MIB1: variants seen among roughly 807,000 people sequenced by gnomAD.
MIB1 encodes the protein MIB E3 ubiquitin protein ligase 1.
MIB1 carries 278 observed loss-of-function variants against 124.5 expected under a neutral mutation model. The observed-to-expected ratio is 2.23, with a 90% CI of 2.02 to 2.47. The LOEUF is 2.47. Among genes scored for constraint, MIB1 ranks in the 30% most tolerant of loss-of-function variants. MIB1 has a pLI of 0.00. For synonymous variants in MIB1, 446 were observed against 429.4 expected, an observed-to-expected ratio of 1.04 and a Z score of -0.48; for missense variants, 957 against 1,254.4, an observed-to-expected ratio of 0.76 and a Z score of 3.58.
chr18:21,796,404 A>G (rs1306494541), intron 7 of MIB1, among the ~76,000 whole-genome samples: 3 of 152,002 alleles, frequency 2.0e-5, no homozygotes, highest in Non-Finnish European at 1.5e-5. Context: ...GGTGGGGGGC[A>G]AGGGGAGGGA....
chr18:21,832,075 G>T (rs2041989495), intron 12 of MIB1, among the ~76,000 whole-genome samples: 1 of 152,114 alleles, frequency 6.6e-6, no homozygotes, highest in African/African-American at 2.4e-5. Context: ...GTGGTGGAGA[G>T]ACATCATCAA....
upstream of MIB1, among the ~76,000 whole-genome samples, chr18:21,736,532 AG>A (rs1200074834): frequency 6.6e-6 from 1 of 152,224 alleles, no homozygotes; most frequent in African/African-American, 2.4e-5. Context: ...AATTGACAGA[AG>A]TAGGCTTCAG....
chr18:21,765,752 A>G lies in MIB1; in HGVS notation c.230-20A>G. 6.2e-7 allele frequency: 1 copy of G among 1,606,350 alleles called. No individual in the cohort carries two copies. The highest frequency in any genetic ancestry group is 8.5e-7 in the Non-Finnish European group (1 of 1,174,624). On this transcript the variant is annotated intron_variant, in intron 1 of 20. Coordinates refer to ENST00000261537, the MANE Select transcript of MIB1 (RefSeq NM_020774.4). ...AATAAAATTTGTGATTAATCTGAGC[A>G]TGTGTCCTTGTTTTAATAGGCATCA...
rs1350495003 is a variant in MIB1 at position 21,844,112 on chromosome 18, CA to C, written c.2072del (p.Lys691SerfsTer17). The C allele has an allele frequency of 6.2e-7, 1 of 1,613,924 alleles. No homozygotes were observed. The highest frequency in any genetic ancestry group is 8.5e-7 in the Non-Finnish European group (1 of 1,180,000). On this transcript the variant is annotated frameshift_variant, in exon 15 of 21. Transcript: ENST00000261537. LOFTEE classifies it high-confidence loss of function. ...TTTAGCTTTTGGTCCGTGCAGGTGC[CA>C]AGCTTGATATTCAGGATAAGGATGG... is the stretch of plus-strand genomic sequence containing the variant. ...IVRLLVRAGA[K>X]LDIQDKDGDT...
Position 21,847,130 on chromosome 18 carries a change from G to T in MIB1, c.2393+5G>T, listed in dbSNP as rs766273832. On this transcript the variant is annotated splice_donor_5th_base_variant and intron_variant, in intron 16 of 20. Transcript: ENST00000261537. ...GTGTCATAAGGAAAAAGTCAGGTTTGTATTATTTATTATCATAAAACTTAA... is the reference window on the plus strand; with the variant it reads ...GTGTCATAAGGAAAAAGTCAGGTTTTTATTATTTATTATCATAAAACTTAA... The T allele has an allele frequency of 1.2e-6, 2 of 1,611,752 alleles. No homozygotes were observed. Among genetic ancestry groups the T allele is most frequent in the Non-Finnish European group, 1.7e-6 (2 of 1,178,236 alleles).
intron 11 of MIB1, 58 bp downstream of exon 11, chr18:21,815,871 A>G: frequency 6.9e-7 from 1 of 1,456,934 alleles, no homozygotes; most frequent in African/African-American, 1.4e-5. Flanking sequence ...TTAAAGGGAA[A>G]CATTAAGTTC....
chr18:21,762,039 A>G (rs1047282378), intron 1 of MIB1, among the ~76,000 whole-genome samples: 1 of 152,182 alleles, frequency 6.6e-6, no homozygotes, highest in Non-Finnish European at 1.5e-5. Context: ...AAGTTTTATT[A>G]TAAGTGTGTT....
chr18:21,864,433 T>A, intron 20 of MIB1, 93 bp from the exon 21 acceptor site: 1 of 1,031,396 alleles, frequency 9.7e-7, no homozygotes, highest in East Asian at 2.4e-5. Flanking sequence ...ATTATTTGAC[T>A]AAAACAACTA....
intron 10 of MIB1, among the ~76,000 whole-genome samples, chr18:21,812,001 A>G (rs1356633092): frequency 6.6e-6 from 1 of 152,220 alleles, no homozygotes; most frequent in Non-Finnish European, 1.5e-5. Context: ...GGAAATAAGG[A>G]TGACTAAGAC....
Position 21,852,990 on chromosome 18 carries a change from A to G in MIB1, c.2587-150A>G, listed in dbSNP as rs576117498. On this transcript the variant is annotated intron_variant, in intron 17 of 20. Transcript: ENST00000261537. ...AAGATGTGAAAATGAATAACCAGGA[A>G]AGTAGAGGATGGGAGGAAAGTGTGT... is the stretch of plus-strand genomic sequence containing the variant. 5.6e-5 allele frequency: 33 copies of G among 591,518 alleles called. No homozygotes were observed. In the African/African-American group the frequency reaches 5.6e-4, roughly 10 times the overall value. 36.6% of individuals were successfully genotyped at this position (591,518 alleles called of 1,614,324 possible).
chr18:21,710,336 C>T (rs569232169), intron 1 of MIB1, among the ~76,000 whole-genome samples: 3 of 152,078 alleles, frequency 2.0e-5, no homozygotes, highest in African/African-American at 4.8e-5. Context: ...TCAAGTGATC[C>T]GCCCGCCTGA....
At position 21,741,150 on chromosome 18, in the gene MIB1, G is replaced by A. The variant is rs867035921; in HGVS notation, c.-434G>A. On this transcript the variant is annotated 5_prime_UTR_variant, in exon 1 of 21. Transcript: ENST00000261537. The surrounding 1 kb of genome is among the most constrained non-coding windows in gnomAD (Gnocchi z 5.4). ...GAGGGGCCGGGGTGGCAGAAAGGCC[G>A]GCAGTTAAGCTTGCTCCCCGCCGCC... is the stretch of plus-strand genomic sequence containing the variant. Among the ~76,000 whole-genome samples, 68 of 152,192 alleles carry A rather than the reference G, an allele frequency of 4.5e-4. No homozygotes were observed. The highest frequency in any genetic ancestry group is 1.5e-3 in the African/African-American group (63 of 41,566).
intron 13 of MIB1, among the ~76,000 whole-genome samples, chr18:21,842,720 T>C (rs1598638552): frequency 1.3e-5 from 2 of 152,310 alleles, no homozygotes; most frequent in Non-Finnish European, 2.9e-5. Context: ...AGTGAACTTA[T>C]TAGGTCATTA....
chr18:21,846,996 T>G lies in MIB1; in HGVS notation c.2264T>G (p.Ile755Ser). Residue 755 changes from isoleucine to serine, a missense_variant, in exon 16 of 21, where the codon ATT becomes AGT. Coordinates refer to ENST00000261537, the MANE Select transcript of MIB1 (RefSeq NM_020774.4). ...QGAEKKSAAS[I>S]ACFLAANGAD... ...GCAGAGAAGAAGAGTGCAGCATCTATTGCCTGTTTCTTGGCAGCCAATGGT... is the reference window on the plus strand; with the variant it reads ...GCAGAGAAGAAGAGTGCAGCATCTAGTGCCTGTTTCTTGGCAGCCAATGGT... 6.2e-7 allele frequency: 1 copy of G among 1,614,160 alleles called. No homozygotes were observed. Among genetic ancestry groups the G allele is most frequent in the Middle Eastern group, 1.6e-4 (1 of 6,062 alleles).
At chr18:21,738,839 A>C (rs2040808771), upstream of MIB1, among the ~76,000 whole-genome samples, 6 of 52,208 alleles carry the variant, frequency 1.1e-4, no homozygotes, top group African/African-American at 3.6e-4. Context: ...AAAAAAAAAA[A>C]AAAAAAAAAA....
Position 21,857,171 on chromosome 18 carries a change from G to C in MIB1, c.2707G>C (p.Val903Leu), listed in dbSNP as rs2042236845. 2 of 1,614,186 alleles carry C rather than the reference G, an allele frequency of 1.2e-6. No homozygotes were observed. Among genetic ancestry groups the C allele is most frequent in the Non-Finnish European group, 1.7e-6 (2 of 1,180,006 alleles). Reference sequence around the variant, plus strand: ...GAAAAAGTGTGTGCAGTGTCGAGCAGTAGTTGAACGAAGAGTGCCTTTCAT... The same window carrying C: ...GAAAAAGTGTGTGCAGTGTCGAGCACTAGTTGAACGAAGAGTGCCTTTCAT... Reference protein sequence around the residue: ...LMKKCVQCRAVVERRVPFIMC... With the variant: ...LMKKCVQCRALVERRVPFIMC... The change falls in exon 19 of 21, where the codon GTA (valine) becomes CTA (leucine). Residue 903 changes from valine to leucine, a missense_variant. By Grantham distance (32) the Val-to-Leu change is conservative. Coordinates refer to ENST00000261537, the MANE Select transcript of MIB1 (RefSeq NM_020774.4).
chr18:21,751,153 G>T (rs1404220452), intron 1 of MIB1, among the ~76,000 whole-genome samples: 1 of 152,016 alleles, frequency 6.6e-6, no homozygotes. Flanking sequence ...AGTGAGCTGA[G>T]ATCATGTTAC....
intron 8 of MIB1, 35 bp from the exon 9 acceptor site, chr18:21,799,806 C>A: frequency 1.3e-6 from 2 of 1,578,632 alleles, no homozygotes; most frequent in East Asian, 2.3e-5. Flanking sequence ...GTTTGAGATC[C>A]TCCTATATTA....
chr18:21,821,040 G>A (rs538709621), intron 12 of MIB1, among the ~76,000 whole-genome samples: 1 of 152,112 alleles, frequency 6.6e-6, no homozygotes, highest in South Asian at 2.1e-4. Flanking sequence ...CCAATTCTTA[G>A]CTTCCAACTA....
Sources: gnomAD v4.1 joint callset for allele counts (sites outside exome capture counted in the v4.1 genomes callset) on GRCh38, gnomAD v4.1.1 for gene constraint, Gnocchi (gnomAD v3.1) non-coding constraint, MANE v1.5 for transcripts, NCBI Gene and HGNC (gene_info 2026-07-23, HGNC 2026-07-21) for gene names.